The following TMEM117 variants were observed in gnomAD, a reference collection of about 807,000 sequenced individuals.
The protein encoded by TMEM117 is transmembrane protein 117.
TMEM117 carries 27 observed loss-of-function variants against 52.4 expected under a neutral mutation model. That is an observed-to-expected ratio of 0.51 (90% CI 0.38 to 0.71). The LOEUF (loss-of-function observed/expected upper bound fraction) is 0.71, where lower values mean the gene tolerates loss of function less well. Among genes scored for constraint, TMEM117 ranks in the 30% least tolerant of loss-of-function variants. The pLI is 0.00. For missense variants in TMEM117, 556 were observed against 630.5 expected, an observed-to-expected ratio of 0.88 and a Z score of 1.26; for synonymous variants, 215 against 206.3, an observed-to-expected ratio of 1.04 and a Z score of -0.36.
chr12:44,253,987 T>C (rs535230116), intron 5 of TMEM117, among the ~76,000 whole-genome samples: 1 of 149,914 alleles, frequency 6.7e-6, no homozygotes, highest in East Asian at 1.9e-4. Context: ...ATCATCATTT[T>C]TTTTCCCCTT....
intron 3 of TMEM117, among the ~76,000 whole-genome samples, chr12:44,008,005 C>T (rs1946228181): frequency 6.6e-6 from 1 of 152,122 alleles, no homozygotes; most frequent in Non-Finnish European, 1.5e-5. Context: ...AGCTGATCAG[C>T]CATAAATACA....
At chr12:44,332,054 G>C (rs1023319391) in intron 6 of TMEM117, among the ~76,000 whole-genome samples, 20 of 152,004 alleles carry the variant, frequency 1.3e-4, no homozygotes, top group African/African-American at 4.8e-4. Flanking sequence ...TCACATATCT[G>C]AGGCACATGT....
chr12:44,383,650 CA>C (rs1406051483), intron 7 of TMEM117, among the ~76,000 whole-genome samples: 2 of 152,148 alleles, frequency 1.3e-5, no homozygotes, highest in African/African-American at 4.8e-5. Context: ...GGGGAAAATG[CA>C]AAAGCTCTCA....
chr12:44,360,140 AC>A (rs1187366787), intron 6 of TMEM117, among the ~76,000 whole-genome samples: 1 of 152,146 alleles, frequency 6.6e-6, no homozygotes, highest in Non-Finnish European at 1.5e-5. Context: ...GTATACTAAT[AC>A]CTAAAGCCCC....
chr12:44,378,128 A>G (rs1158413215), intron 7 of TMEM117, among the ~76,000 whole-genome samples: 1 of 152,136 alleles, frequency 6.6e-6, no homozygotes, highest in Non-Finnish European at 1.5e-5. Flanking sequence ...TGCGTAGACC[A>G]TCTGTTCTTG....
the TMEM117 span, among the ~76,000 whole-genome samples, chr12:43,814,297 C>T: frequency 1.3e-5 from 2 of 152,118 alleles, no homozygotes; most frequent in Non-Finnish European, 2.9e-5. Context: ...ACCACAGCAG[C>T]AGGGTCATCT....
intron 5 of TMEM117, among the ~76,000 whole-genome samples, chr12:44,233,820 T>C (rs115894959): frequency 1.3e-5 from 2 of 151,596 alleles, no homozygotes; most frequent in African/African-American, 4.8e-5. Context: ...TAGGTGAATA[T>C]ATGCAAGTTA....
At chr12:43,961,425 G>A (rs919323862) in intron 3 of TMEM117, among the ~76,000 whole-genome samples, 1 of 152,018 alleles carries the variant, frequency 6.6e-6, no homozygotes. Flanking sequence ...TTAATAAATA[G>A]GAAAGTCTTA....
chr12:44,303,934 G>A (rs1176747061), intron 6 of TMEM117, among the ~76,000 whole-genome samples: 2 of 152,044 alleles, frequency 1.3e-5, no homozygotes, highest in African/African-American at 2.4e-5. Context: ...GAAAAAAGTG[G>A]GACAAATGGA....
chr12:44,241,513 C>T (rs904842537), intron 5 of TMEM117, among the ~76,000 whole-genome samples: 13 of 151,940 alleles, frequency 8.6e-5, no homozygotes, highest in East Asian at 1.9e-4. Flanking sequence ...TTTATTTTTA[C>T]GTGATCAAAT....
chr12:44,135,410 A>G (rs1948475529), intron 3 of TMEM117, among the ~76,000 whole-genome samples: 1 of 152,174 alleles, frequency 6.6e-6, no homozygotes, highest in Non-Finnish European at 1.5e-5. Context: ...TGTTTAATGA[A>G]TAAATGAATA....
intron 4 of TMEM117, among the ~76,000 whole-genome samples, chr12:44,175,632 A>G (rs1223637777): frequency 6.6e-6 from 1 of 152,216 alleles, no homozygotes; most frequent in Non-Finnish European, 1.5e-5. Flanking sequence ...GTTAGGTGAC[A>G]TGATGGCCAA....
chr12:44,222,544 C>G (rs1949802784), intron 5 of TMEM117, among the ~76,000 whole-genome samples: 1 of 152,158 alleles, frequency 6.6e-6, no homozygotes, highest in Admixed American at 6.5e-5. Flanking sequence ...TACATATCAC[C>G]ACTCCCTCCT....
chr12:43,977,762 A>T (rs10785491), intron 3 of TMEM117, among the ~76,000 whole-genome samples: 4 of 152,032 alleles, frequency 2.6e-5, no homozygotes, highest in South Asian at 2.1e-4. Flanking sequence ...GTGGCAAAAT[A>T]GTTGAAATTG....
chr12:44,245,150 C>T (rs1950112920), intron 5 of TMEM117, among the ~76,000 whole-genome samples: 1 of 151,858 alleles, frequency 6.6e-6, no homozygotes, highest in African/African-American at 2.4e-5. Context: ...TCTTTTGGAT[C>T]AAGACTGCTT....
At position 44,152,678 on chromosome 12, in the gene TMEM117, A is replaced by G. The variant is rs1343290078; in HGVS notation, c.510+9054A>G. Among the ~76,000 whole-genome samples, 15 of 132,664 alleles carry G rather than the reference A, an allele frequency of 1.1e-4. No individual in the cohort carries two copies. In the East Asian group the frequency reaches 3.1e-3, roughly 27 times the overall value. The allele number at this position is 132,664 out of a possible 152,430, so 87.0% of individuals were successfully genotyped here. A position where few individuals can be genotyped will look rare whatever the true frequency, so the allele number is the denominator to read the frequency against. On this transcript the variant is annotated intron_variant, in intron 4 of 7. Transcript: ENST00000266534. Reference sequence around the variant, plus strand: ...TATTTATATCATATATAATTTTTATATATATAATATTTATATATAAATTTT... The same window carrying G: ...TATTTATATCATATATAATTTTTATGTATATAATATTTATATATAAATTTT...
At chr12:44,190,254 A>C (rs1949333594) in intron 4 of TMEM117, among the ~76,000 whole-genome samples, 1 of 152,196 alleles carries the variant, frequency 6.6e-6, no homozygotes, top group Non-Finnish European at 1.5e-5. Flanking sequence ...ACACGAAATA[A>C]TCTTGTTTGT....
At chr12:43,828,766 T>C in the TMEM117 span, among the ~76,000 whole-genome samples, 1 of 152,126 alleles carries the variant, frequency 6.6e-6, no homozygotes, top group Non-Finnish European at 1.5e-5. Context: ...ACAAATGATA[T>C]ATTTCACTAT....
At chr12:44,336,655 A>G (rs1012744658) in intron 6 of TMEM117, among the ~76,000 whole-genome samples, 5 of 151,844 alleles carry the variant, frequency 3.3e-5, no homozygotes, top group Admixed American at 2.6e-4. Context: ...TCCATTAGGC[A>G]TTGGAAAAGT....
Sources: gnomAD v4.1 joint callset for allele counts (sites outside exome capture counted in the v4.1 genomes callset) on GRCh38, gnomAD v4.1.1 for gene constraint, MANE v1.5 for transcripts, NCBI Gene and HGNC (gene_info 2026-07-23, HGNC 2026-07-21) for gene names.